TSR3: variants seen among roughly 807,000 people sequenced by gnomAD.
The protein encoded by TSR3 is TSR3 ribosome maturation factor.
A neutral mutation model predicts 28.1 loss-of-function variants in TSR3; 31 were observed. That is an observed-to-expected ratio of 1.10 (90% confidence interval 0.83 to 1.49). TSR3 has a LOEUF of 1.49. Among genes scored for constraint, TSR3 ranks in the 40% most tolerant of loss-of-function variants. TSR3 has a pLI of 0.00. For missense variants in TSR3, 511 were observed against 444.0 expected (o/e 1.15, Z -1.36); for synonymous variants, 219 against 197.2 (o/e 1.11, Z -0.93).
Position 1,351,608 on chromosome 16 carries a change from A to G in TSR3, c.113-10T>C. The G allele has an allele frequency of 1.4e-6, 2 of 1,468,674 alleles. No homozygotes were observed. Among genetic ancestry groups the G allele is most frequent in the Non-Finnish European group, 8.9e-7 (1 of 1,119,546 alleles). 91.0% of individuals were successfully genotyped at this position (1,468,674 alleles called of 1,614,324 possible). A position where few individuals can be genotyped will look rare whatever the true frequency, so the allele number is the denominator to read the frequency against. On this transcript the variant is annotated splice_polypyrimidine_tract_variant and intron_variant, in intron 1 of 5. Coordinates refer to ENST00000007390, the MANE Select transcript of TSR3 (RefSeq NM_001001410.3). ...CCTGGCTCCACGGAAGCTGCACGAG[A>G]GAGAGAAGGGCACTCGGCCTCAGCG...
intron 5 of TSR3, 96 bp from the exon 6 acceptor site, chr16:1,349,704 C>T: frequency 1.4e-6 from 2 of 1,438,688 alleles, no homozygotes; most frequent in Non-Finnish European, 1.9e-6. Context: ...AGGACAGATT[C>T]CTCTTCCTCC....
chr16:1,351,754 AG>A lies in TSR3; in HGVS notation c.50del (p.Pro17LeufsTer82). On this transcript the variant is annotated frameshift_variant, in exon 1 of 6. Coordinates refer to ENST00000007390, the MANE Select transcript of TSR3 (RefSeq NM_001001410.3). LOFTEE classifies it high-confidence loss of function. The stretch of plus-strand genomic sequence containing the variant: ...CCAGGGAGCGCGTCGGGAGGTGCCG[AG>A]GGCGGCCGCCTTCCGCCCCCGGCCC... Reference protein sequence around the residue: ...ARGPGAEGGRPRHLPTRSLEA... With the variant: ...ARGPGAEGGRXRHLPTRSLEA... The A allele has an allele frequency of 7.4e-7, 1 of 1,355,308 alleles. No homozygotes were observed. Among genetic ancestry groups the A allele is most frequent in the South Asian group, 1.8e-5 (1 of 56,554 alleles). 84.0% of individuals were successfully genotyped at this position (1,355,308 alleles called of 1,614,324 possible).
intron 5 of TSR3, 84 bp from the exon 6 acceptor site, chr16:1,349,692 C>A (rs1239265126): frequency 2.0e-6 from 3 of 1,486,548 alleles, no homozygotes; most frequent in African/African-American, 2.8e-5. Context: ...AGCCCCCAGC[C>A]GAGGACAGAT....
Position 1,349,319 on chromosome 16 carries a change from C to G in TSR3, c.*118G>C, listed in dbSNP as rs530690507. ...CTGTGCTGGAAGTGTGGGGAGAACCCGGACAGCTCAGTCCTGCCAGCAGCC... is the reference window on the plus strand; with the variant it reads ...CTGTGCTGGAAGTGTGGGGAGAACCGGGACAGCTCAGTCCTGCCAGCAGCC... On this transcript the variant is annotated 3_prime_UTR_variant, in exon 6 of 6. Transcript: ENST00000007390. 2 of 1,159,968 alleles carry G rather than the reference C, an allele frequency of 1.7e-6. No individual in the cohort carries two copies. The highest frequency in any genetic ancestry group is 1.7e-5 in the Admixed American group (1 of 57,482). 71.9% of individuals were successfully genotyped at this position (1,159,968 alleles called of 1,614,324 possible).
At chr16:1,351,652 C>G in intron 1 of TSR3, 41 bp downstream of exon 1, 1 of 1,421,540 alleles carries the variant, frequency 7.0e-7, no homozygotes, top group Non-Finnish European at 9.1e-7. Context: ...CCGGGCAGGC[C>G]CTCAAACCCT....
intron 5 of TSR3, 103 bp downstream of exon 5, chr16:1,349,786 G>GTGT: frequency 1.4e-6 from 2 of 1,465,364 alleles, no homozygotes; most frequent in Admixed American, 1.8e-5. Context: ...GACCATCGGG[G>GTGT]TGTTGTTTAC....
At chr16:1,351,275 G>A in intron 2 of TSR3, 104 bp downstream of exon 2, 4 of 1,251,116 alleles carry the variant, frequency 3.2e-6, no homozygotes, top group South Asian at 1.5e-5. Flanking sequence ...CCCTGCCCAC[G>A]TGGGTGTGGA....
rs2034685789 is a variant in TSR3, at chr16:1,351,816, G to A, written c.-12C>T. On this transcript the variant is annotated 5_prime_UTR_variant, in exon 1 of 6. Transcript: ENST00000007390. ...CTCCTGCGGCCCATGGCGCGGACCT[G>A]GGGTGCCGGGGACTCCCCACCCCAC... is the stretch of plus-strand genomic sequence containing the variant. 2.3e-6 allele frequency: 3 copies of A among 1,308,792 alleles called. No individual in the cohort carries two copies. Among genetic ancestry groups the A allele is most frequent in the Non-Finnish European group, 2.9e-6 (3 of 1,034,182 alleles). The allele number at this position is 1,308,792 out of a possible 1,614,324, so 81.1% of individuals were successfully genotyped here.
Position 1,349,684 on chromosome 16 carries a change from C to A in TSR3, c.768-76G>T, listed in dbSNP as rs560612327. ...TGGAGTCAACGTCATCCACAAAAAG[C>A]CCCCAGCCGAGGACAGATTCCTCTT... On this transcript the variant is annotated intron_variant, in intron 5 of 5. Transcript: ENST00000007390. The A allele has an allele frequency of 5.0e-5, 75 of 1,502,010 alleles. No individual in the cohort carries two copies. The South Asian group carries it at 8.1e-4, about 16-fold the overall frequency. 93.0% of individuals were successfully genotyped at this position (1,502,010 alleles called of 1,614,324 possible).
chr16:1,351,800 C>T lies in TSR3; in HGVS notation c.5G>A (p.Gly2Asp). 7.5e-7 allele frequency: 1 copy of T among 1,327,006 alleles called. No individual in the cohort carries two copies. The allele number at this position is 1,327,006 out of a possible 1,614,324, so 82.2% of individuals were successfully genotyped here. M[G>D]RRRAARGPGA... ...CGGCCCGCGCGCTGCCCTCCTGCGG[C>T]CCATGGCGCGGACCTGGGGTGCCGG... Residue 2 changes from glycine (G) to aspartate (D), a missense_variant, in exon 1 of 6, where the codon GGC (glycine) becomes GAC (aspartate). Physicochemically the swap from Gly to Asp is moderately conservative, Grantham distance 94 (BLOSUM62 -1). Coordinates refer to ENST00000007390, the MANE Select transcript of TSR3 (RefSeq NM_001001410.3).
rs2034678575 is a variant in TSR3 at position 1,351,441 on chromosome 16, G to A, written c.270C>T (p.Gly90=). 3 of 1,595,034 alleles carry A rather than the reference G, an allele frequency of 1.9e-6. No individual in the cohort carries two copies. Among genetic ancestry groups the A allele is most frequent in the East Asian group, 2.2e-5 (1 of 44,664 alleles). ...TCAGCACCAGACCGCCGAATCTGTG[G>A]CCCAGGCGCAGGCAGCGCACCAGCC... ...RLGLVRCLRL[G]HRFGGLVLSP... is the part of the protein sequence containing the mutation. Residue 90 remains glycine (G), a synonymous_variant, in exon 2 of 6, where the codon GGC becomes GGT. Transcript: ENST00000007390.
Position 1,350,121 on chromosome 16 carries a change from C to G in TSR3, c.640G>C (p.Val214Leu), listed in dbSNP as rs780808158. The change falls in exon 4 of 6, where the codon GTG becomes CTG. Residue 214 changes from valine to leucine, a missense_variant. Transcript: ENST00000007390. ...KYAACGSPEE[V>L]LQAEQEFLAN... ...AAGAACTCCTGCTCCGCCTGCAGCA[C>G]CTCCTCCGGGCTGCCGCAGGCCGCG... 38 of 1,611,492 alleles carry G rather than the reference C, an allele frequency of 2.4e-5. No individual in the cohort carries two copies. The highest frequency in any genetic ancestry group is 3.0e-5 in the Non-Finnish European group (35 of 1,178,964).
chr16:1,350,975 C>T lies in TSR3; in HGVS notation c.358G>A (p.Ala120Thr). The change falls in exon 3 of 6, where the codon GCC (alanine) becomes ACC (threonine). Residue 120 changes from alanine to threonine, a missense_variant. Coordinates refer to ENST00000007390, the MANE Select transcript of TSR3 (RefSeq NM_001001410.3). The part of the protein sequence containing the change: ...DRQLVAQSGV[A>T]VIDCSWARLD... ...CTGGCCCAGGAGCAGTCGATGACGG[C>T]GACCCCAGACTGCGCCACCAGCTGT... The T allele has an allele frequency of 1.9e-6, 3 of 1,612,094 alleles. No individual in the cohort carries two copies. Among genetic ancestry groups the T allele is most frequent in the East Asian group, 2.2e-5 (1 of 44,878 alleles).
At chr16:1,351,666 C>A in intron 1 of TSR3, 27 bp downstream of exon 1, 2 of 1,405,312 alleles carry the variant, frequency 1.4e-6, no homozygotes, top group South Asian at 1.5e-5. Flanking sequence ...AAACCCTGAC[C>A]CGCTCTCCCC....
rs771340303 is a variant in TSR3 at position 1,350,136 on chromosome 16, C to T, written c.625G>A (p.Gly209Ser). Residue 209 changes from glycine (G) to serine (S), a missense_variant, in exon 4 of 6, where the codon GGC becomes AGC. Gly to Ser is a moderately conservative substitution (Grantham distance 56). Transcript: ENST00000007390. ...RQLLDKYAAC[G>S]SPEEVLQAEQ... ...GCCTGCAGCACCTCCTCCGGGCTGC[C>T]GCAGGCCGCGTACTTGTCCAGGAGC... 7.4e-6 allele frequency: 12 copies of T among 1,612,208 alleles called. 1 individual carries two copies. The highest frequency in any genetic ancestry group is 4.4e-5 in the South Asian group (4 of 91,060).
At chr16:1,351,671 C>G in intron 1 of TSR3, 22 bp downstream of exon 1, 3 of 1,397,626 alleles carry the variant, frequency 2.1e-6, no homozygotes, top group Non-Finnish European at 2.8e-6. Flanking sequence ...CTGACCCGCT[C>G]TCCCCATCAC....
Position 1,349,551 on chromosome 16 carries a change from C to A in TSR3, c.825G>T (p.Glu275Asp). ...DASEDPGPGAERGGASSSCCE... is the reference protein window; with the variant it reads ...DASEDPGPGADRGGASSSCCE... ...AGCAGCTGCTGCTGGCTCCTCCGCGCTCGGCGCCAGGCCCTGGGTCCTCAG... is the reference window on the plus strand; with the variant it reads ...AGCAGCTGCTGCTGGCTCCTCCGCGATCGGCGCCAGGCCCTGGGTCCTCAG... Residue 275 changes from glutamate to aspartate, a missense_variant, in exon 6 of 6, where the codon GAG becomes GAT. Transcript: ENST00000007390. 1 of 1,613,122 alleles carries A rather than the reference C, an allele frequency of 6.2e-7. No individual in the cohort carries two copies. The highest frequency in any genetic ancestry group is 8.5e-7 in the Non-Finnish European group (1 of 1,179,976).
At chr16:1,349,667 A>G in intron 5 of TSR3, 59 bp from the exon 6 acceptor site, 1 of 1,531,730 alleles carries the variant, frequency 6.5e-7, no homozygotes. Flanking sequence ...GCTGGAGTCA[A>G]CGTCATCCAC....
At chr16:1,349,993 G>A in intron 4 of TSR3, 41 bp from the exon 5 acceptor site, 6 of 1,612,418 alleles carry the variant, frequency 3.7e-6, no homozygotes, top group Non-Finnish European at 5.1e-6. Context: ...TGAGCTCAGA[G>A]CAGGACCAGG....
Sources: gnomAD v4.1 joint callset for allele counts on GRCh38, gnomAD v4.1.1 for gene constraint, MANE v1.5 for transcripts, NCBI Gene and HGNC (gene_info 2026-07-23, HGNC 2026-07-21) for gene names.